OXNAD1: variants seen among roughly 807,000 people sequenced by gnomAD.
OXNAD1 encodes the protein oxidoreductase NAD binding domain containing 1.
In OXNAD1, 34 loss-of-function variants were observed where a neutral mutation model predicts 32.9. The ratio of observed to expected loss-of-function variants is 1.03; its 90% CI spans 0.79 to 1.38. The LOEUF (loss-of-function observed/expected upper bound fraction) is 1.38. OXNAD1 is among the 40% of genes most tolerant of loss of function. The pLI, the probability that OXNAD1 is intolerant of heterozygous loss-of-function variation, is 0.00. For synonymous variants in OXNAD1, 134 were observed against 135.2 expected (o/e 0.99, Z 0.06); for missense variants, 407 against 379.4 (o/e 1.07, Z -0.60).
chr3:16,282,795 C>T (rs531079174), intron 4 of OXNAD1, among the ~76,000 whole-genome samples: 4 of 131,438 alleles, frequency 3.0e-5, no homozygotes, highest in African/African-American at 5.8e-5. Context: ...GTCCCAAGTT[C>T]GTATGAGTTA....
intron 1 of OXNAD1, among the ~76,000 whole-genome samples, chr3:16,268,105 T>C (rs763207680): frequency 6.6e-6 from 1 of 152,170 alleles, no homozygotes; most frequent in Non-Finnish European, 1.5e-5. Flanking sequence ...CTGTGGTTGA[T>C]TAAATGCTTA....
chr3:16,343,006 A>G (rs999406353), intron 9 of OXNAD1, among the ~76,000 whole-genome samples: 1 of 151,968 alleles, frequency 6.6e-6, no homozygotes, highest in African/African-American at 2.4e-5. Flanking sequence ...ATGCCCAGCT[A>G]ATTTTTATTT....
intron 4 of OXNAD1, among the ~76,000 whole-genome samples, chr3:16,274,221 A>C (rs931832458): frequency 6.6e-6 from 1 of 151,850 alleles, no homozygotes; most frequent in Non-Finnish European, 1.5e-5. Context: ...AATATACTTA[A>C]ATATATTTAA....
Position 16,327,220 on chromosome 3 carries a change from C to A in OXNAD1, c.*31-9892C>A, listed in dbSNP as rs991426500. 1.3e-5 allele frequency among the ~76,000 whole-genome samples: 2 copies of A among 152,152 alleles called. No homozygotes were observed. Among genetic ancestry groups the A allele is most frequent in the African/African-American group, 2.4e-5 (1 of 41,438 alleles). ...TCTCACCTCTGAGCGGTATCCAGGGCATATAACTACACGTGCTGCTCTGAA... is the reference window on the plus strand; with the variant it reads ...TCTCACCTCTGAGCGGTATCCAGGGAATATAACTACACGTGCTGCTCTGAA... On this transcript the variant is annotated intron_variant, in intron 9 of 9. Transcript: ENST00000435829. The surrounding 1 kb of genome is among the most constrained non-coding windows in gnomAD (Gnocchi z 4.2).
At chr3:16,331,143 A>T (rs1029251049) in intron 9 of OXNAD1, among the ~76,000 whole-genome samples, 3 of 152,204 alleles carry the variant, frequency 2.0e-5, no homozygotes, top group African/African-American at 7.2e-5. Flanking sequence ...CCTGACATCC[A>T]CAGGACTGAG....
chr3:16,323,535 T>A, intron 9 of OXNAD1: 1 of 1,024,620 alleles, frequency 9.8e-7, no homozygotes, highest in Non-Finnish European at 1.5e-6. Flanking sequence ...TTGCCATCCC[T>A]AATTTCATCA....
rs575610057 is a variant in OXNAD1 at position 16,316,983 on chromosome 3, C to A, written c.*30+13391C>A. Reference sequence around the variant, plus strand: ...ACAGCCTCACCCTCCACACCCACCCCACACAGCAGGCCACCAGGGGACAGC... The same window carrying A: ...ACAGCCTCACCCTCCACACCCACCCAACACAGCAGGCCACCAGGGGACAGC... On this transcript the variant is annotated intron_variant, in intron 9 of 9. Coordinates refer to the OXNAD1 transcript ENST00000435829. This position sits in a 1 kb window ranked among gnomAD's most constrained non-coding sequence, Gnocchi z 4.5. 1 of 1,614,102 alleles carries A rather than the reference C, an allele frequency of 6.2e-7. No homozygotes were observed. Among genetic ancestry groups the A allele is most frequent in the Non-Finnish European group, 8.5e-7 (1 of 1,180,020 alleles).
rs2069028500 is a variant in OXNAD1, at chr3:16,321,334, C to G, written c.*31-15778C>G. ...AGTGAAGGGAGAAATGGGGCTGGGT[C>G]TGAACCCTGAGGAACTTAGTGGGAA... On this transcript the variant is annotated intron_variant, in intron 9 of 9. Transcript: ENST00000435829. The surrounding 1 kb of genome is among the most constrained non-coding windows in gnomAD (Gnocchi z 4.8). Among the ~76,000 whole-genome samples the G allele has an allele frequency of 6.6e-6, 1 of 152,076 alleles. No individual in the cohort carries two copies. The highest frequency in any genetic ancestry group is 1.5e-5 in the Non-Finnish European group (1 of 68,004).
rs1457983326 is a variant in OXNAD1 at position 16,277,212 on chromosome 3, C to G, written c.183+5490C>G. Reference sequence around the variant, plus strand: ...AAAGTGCTGGGATTACAGGCATGAGCCACAGCTCCTGGCCCTCCTCTTCTG... The same window carrying G: ...AAAGTGCTGGGATTACAGGCATGAGGCACAGCTCCTGGCCCTCCTCTTCTG... On this transcript the variant is annotated intron_variant, in intron 4 of 8. Coordinates refer to ENST00000285083, the MANE Select transcript of OXNAD1 (RefSeq NM_138381.5). The surrounding 1 kb of genome is among the most constrained non-coding windows in gnomAD (Gnocchi z 4.3). Among the ~76,000 whole-genome samples the G allele has an allele frequency of 3.9e-5, 6 of 152,170 alleles. No individual in the cohort carries two copies. The highest frequency in any genetic ancestry group is 1.4e-4 in the African/African-American group (6 of 41,434).
At chr3:16,311,772 A>AAT (rs2067997765) in intron 9 of OXNAD1, among the ~76,000 whole-genome samples, 1 of 152,108 alleles carries the variant, frequency 6.6e-6, no homozygotes, top group South Asian at 2.1e-4. Context: ...TTCCTCATTC[A>AAT]GCAGCCAGAA....
At chr3:16,286,529 A>C in intron 5 of OXNAD1, 81 bp downstream of exon 5, 1 of 1,141,196 alleles carries the variant, frequency 8.8e-7, no homozygotes. Flanking sequence ...TCTCCTGGAA[A>C]AGGCTAGCCA....
intron 6 of OXNAD1, among the ~76,000 whole-genome samples, chr3:16,296,565 A>G (rs185663363): frequency 1.3e-5 from 2 of 152,354 alleles, no homozygotes; most frequent in East Asian, 3.9e-4. Context: ...CCTTAATCAA[A>G]TTTAAGATAA....
intron 5 of OXNAD1, among the ~76,000 whole-genome samples, chr3:16,293,568 T>C (rs1415730546): frequency 6.6e-6 from 1 of 152,206 alleles, no homozygotes; most frequent in East Asian, 1.9e-4. Context: ...AAAGTAGACA[T>C]CCTTATCTTG....
chr3:16,294,694 A>T (rs1293628583), intron 5 of OXNAD1, among the ~76,000 whole-genome samples, 162 bp from the exon 6 acceptor site: 2 of 152,138 alleles, frequency 1.3e-5, no homozygotes, highest in Admixed American at 1.3e-4. Flanking sequence ...GAATTCCTTT[A>T]TAATTCTTTT....
Position 16,305,102 on chromosome 3 carries a change from C to T in OXNAD1, c.*1540C>T, listed in dbSNP as rs1214414575. ...GGAGCCCTGACTTACCAGTTGGCCC[C>T]AAAGTGCCCAGGCTGAGGGCATAGG... On this transcript the variant is annotated 3_prime_UTR_variant, in exon 9 of 9. Transcript: ENST00000285083. The surrounding 1 kb of genome is among the most constrained non-coding windows in gnomAD (Gnocchi z 4.5). 2.0e-5 allele frequency: 3 copies of T among 152,202 alleles called. No individual in the cohort carries two copies. Among genetic ancestry groups the T allele is most frequent in the Non-Finnish European group, 4.4e-5 (3 of 68,074 alleles). 9.4% of individuals were successfully genotyped at this position (152,202 alleles called of 1,614,324 possible). A position where few individuals can be genotyped will look rare whatever the true frequency, so the allele number is the denominator to read the frequency against.
At chr3:16,295,648 T>C (rs2066733468) in intron 6 of OXNAD1, among the ~76,000 whole-genome samples, 1 of 152,230 alleles carries the variant, frequency 6.6e-6, no homozygotes, top group Non-Finnish European at 1.5e-5. Flanking sequence ...TTGACCCTTC[T>C]ATCCTTTTCA....
At position 16,271,319 on chromosome 3, in the gene OXNAD1, T is replaced by G; in HGVS notation, c.119+248T>G. 1 of 550,418 alleles carries G rather than the reference T, an allele frequency of 1.8e-6. No individual in the cohort carries two copies. Among genetic ancestry groups the G allele is most frequent in the Non-Finnish European group, 3.2e-6 (1 of 315,096 alleles). 34.1% of individuals were successfully genotyped at this position (550,418 alleles called of 1,614,324 possible). ...CCTGGATTCAAGTGATTCTCCTGTC[T>G]TAGCCTCCCGAGTAGCTGGGATTAC... On this transcript the variant is annotated intron_variant, in intron 3 of 8. Transcript: ENST00000285083. This position sits in a 1 kb window ranked among gnomAD's most constrained non-coding sequence, Gnocchi z 4.6.
intron 2 of OXNAD1, 140 bp downstream of exon 2, chr3:16,269,415 G>A (rs913535774): frequency 9.8e-6 from 8 of 820,156 alleles, no homozygotes; most frequent in African/African-American, 5.2e-5. Flanking sequence ...GAGAAAAATA[G>A]CAAGTAGCAT....
chr3:16,332,173 T>A (rs1025886262), intron 9 of OXNAD1, among the ~76,000 whole-genome samples: 5 of 152,120 alleles, frequency 3.3e-5, no homozygotes, highest in African/African-American at 1.2e-4. Context: ...GAAAAATGTA[T>A]TTTTCCCCCC....
Sources: allele counts gnomAD v4.1 joint callset (sites outside exome capture counted in the v4.1 genomes callset), GRCh38; gene constraint gnomAD v4.1.1; non-coding constraint Gnocchi (gnomAD v3.1); transcripts MANE v1.5; gene names NCBI Gene and HGNC (gene_info 2026-07-23, HGNC 2026-07-21).